The following CKMT2 variants were observed in gnomAD, a reference collection of about 807,000 sequenced individuals.
CKMT2 encodes the protein creatine kinase, mitochondrial 2.
A neutral mutation model predicts 48.9 loss-of-function variants in CKMT2; 43 were observed. The ratio of observed to expected loss-of-function variants is 0.88; its 90% CI spans 0.69 to 1.13. The LOEUF (loss-of-function observed/expected upper bound fraction) is 1.13, where lower values mean the gene tolerates loss of function less well. CKMT2 is among the 50% of genes most tolerant of loss of function. CKMT2 has a pLI of 0.00. For synonymous variants in CKMT2, 206 were observed against 213.0 expected, an observed-to-expected ratio of 0.97 and a Z score of 0.29; for missense variants, 472 against 555.4, an observed-to-expected ratio of 0.85 and a Z score of 1.51.
intron 1 of CKMT2, among the ~76,000 whole-genome samples, chr5:81,249,056 T>C (rs1330991533): frequency 2.0e-5 from 3 of 151,536 alleles, no homozygotes; most frequent in South Asian, 4.2e-4. Flanking sequence ...CATGCTCTTT[T>C]TTTTTTTTTT....
At chr5:81,238,787 T>C (rs1262922890) in intron 1 of CKMT2, 1 of 152,428 alleles carries the variant, frequency 6.6e-6, no homozygotes, top group African/African-American at 2.4e-5. Context: ...TTTTACCTCT[T>C]CTAGAAAGCC....
rs957260736 is a variant in CKMT2 at position 81,256,858 on chromosome 5, C to G, written c.670-57C>G. ...TTGGAACTTGTTCACCTGGCACTTG[C>G]AGTCCTGTTTGATCTCATCAGTCTC... is the stretch of plus-strand genomic sequence containing the variant. On this transcript the variant is annotated intron_variant, in intron 5 of 9. Transcript: ENST00000254035. The G allele has an allele frequency of 4.0e-6, 5 of 1,261,464 alleles. No homozygotes were observed. The Admixed American group carries it at 9.6e-5, about 24-fold the overall frequency. The allele number at this position is 1,261,464 out of a possible 1,614,324, so 78.1% of individuals were successfully genotyped here.
At chr5:81,240,019 A>C (rs942880223) in intron 1 of CKMT2, among the ~76,000 whole-genome samples, 1 of 151,990 alleles carries the variant, frequency 6.6e-6, no homozygotes, top group African/African-American at 2.4e-5. Context: ...ACAAATACAT[A>C]TCTCTACCCC....
intron 9 of CKMT2, among the ~76,000 whole-genome samples, chr5:81,264,201 CTT>C (rs952170915): frequency 5.9e-5 from 9 of 152,186 alleles, no homozygotes; most frequent in African/African-American, 2.2e-4. Flanking sequence ...GATTCATAGA[CTT>C]TGTGTGGCCT....
At chr5:81,255,819 CTT>C in intron 5 of CKMT2, among the ~76,000 whole-genome samples, 1 of 137,166 alleles carries the variant, frequency 7.3e-6, no homozygotes, top group Non-Finnish European at 1.6e-5. Context: ...ACTTTAAACT[CTT>C]AAAAAAAAAA....
intron 1 of CKMT2, among the ~76,000 whole-genome samples, chr5:81,239,914 G>C (rs1756378631): frequency 6.6e-6 from 1 of 152,156 alleles, no homozygotes; most frequent in African/African-American, 2.4e-5. Context: ...TTGTAAAATG[G>C]GAATAACACG....
At chr5:81,236,035 T>C (rs1261311366) in intron 1 of CKMT2, 1 of 152,268 alleles carries the variant, frequency 6.6e-6, no homozygotes, top group Non-Finnish European at 1.5e-5. Flanking sequence ...ACAGCATCCC[T>C]AGCAAGGCCT....
chr5:81,248,423 G>A (rs950820591), intron 1 of CKMT2, among the ~76,000 whole-genome samples: 19 of 152,206 alleles, frequency 1.2e-4, no homozygotes, highest in Non-Finnish European at 1.5e-5. Context: ...AAGTGGGTTT[G>A]AGGGTGTGAT....
At chr5:81,256,657 C>T (rs1315900754) in intron 5 of CKMT2, among the ~76,000 whole-genome samples, 2 of 152,200 alleles carry the variant, frequency 1.3e-5, no homozygotes, top group Admixed American at 6.5e-5. Context: ...CAGTGTTTTT[C>T]ACCATTAGCT....
intron 5 of CKMT2, among the ~76,000 whole-genome samples, chr5:81,255,835 A>G (rs1481859122): frequency 6.6e-6 from 1 of 151,700 alleles, no homozygotes; most frequent in East Asian, 1.9e-4. Flanking sequence ...AAAAAAAAAA[A>G]GCAGAAACAA....
Position 81,252,665 on chromosome 5 carries a change from G to T in CKMT2, c.153-30G>T, listed in dbSNP as rs757447211. On this transcript the variant is annotated intron_variant, in intron 2 of 9. Transcript: ENST00000254035. Reference sequence around the variant, plus strand: ...TTGGCCCCTTTCCTCGGGGGCTGCTGGCTGACAGCCTGCCCTCCTCCCCAC... The same window carrying T: ...TTGGCCCCTTTCCTCGGGGGCTGCTTGCTGACAGCCTGCCCTCCTCCCCAC... The T allele has an allele frequency of 1.6e-5, 25 of 1,611,764 alleles. No homozygotes were observed. The South Asian group carries it at 2.7e-4, about 18-fold the overall frequency.
intron 1 of CKMT2, among the ~76,000 whole-genome samples, chr5:81,250,423 C>G (rs986800360): frequency 5.3e-5 from 8 of 152,228 alleles, no homozygotes; most frequent in African/African-American, 1.9e-4. Flanking sequence ...TGTTGACTCT[C>G]ATTCATTGTA....
At chr5:81,250,168 C>T (rs1756756136) in intron 1 of CKMT2, among the ~76,000 whole-genome samples, 1 of 152,164 alleles carries the variant, frequency 6.6e-6, no homozygotes, top group Non-Finnish European at 1.5e-5. Context: ...CTCTGTGCTA[C>T]ATTCTGAGTA....
rs187064307 is a variant in CKMT2, at chr5:81,244,478, G to C, written c.-20-6635G>C. ...GATTTCCAGAAAGAGCTCTCAGATT[G>C]CCTCAAAAACACATTGGAGCCTCTA... On this transcript the variant is annotated intron_variant, in intron 1 of 9. Transcript: ENST00000254035. Among the ~76,000 whole-genome samples the C allele has an allele frequency of 1.2e-4, 18 of 152,234 alleles. No homozygotes were observed. In the East Asian group the frequency reaches 2.7e-3, roughly 23 times the overall value.
At chr5:81,242,396 A>C (rs1408218142) in intron 1 of CKMT2, 1 of 503,060 alleles carries the variant, frequency 2.0e-6, no homozygotes, top group African/African-American at 1.9e-5. Flanking sequence ...CATAGTCCTT[A>C]ACTACTACAC....
Position 81,259,049 on chromosome 5 carries a change from G to GTGTT in CKMT2, c.880-70_880-67dup. ...AGGAGGGTACACATCTCTCTCTCTG[G>GTGTT]TGTTAGGGATGTGCTGAATGAATGG... On this transcript the variant is annotated intron_variant, in intron 7 of 9. Transcript: ENST00000254035. The GTGTT allele has an allele frequency of 4.1e-6, 6 of 1,461,280 alleles. No individual in the cohort carries two copies. In the South Asian group the frequency reaches 6.6e-5, roughly 16 times the overall value. 90.5% of individuals were successfully genotyped at this position (1,461,280 alleles called of 1,614,324 possible). A position where few individuals can be genotyped will look rare whatever the true frequency, so the allele number is the denominator to read the frequency against.
At chr5:81,236,759 T>G (rs568729664) in intron 1 of CKMT2, among the ~76,000 whole-genome samples, 1 of 152,272 alleles carries the variant, frequency 6.6e-6, no homozygotes, top group Admixed American at 6.5e-5. Context: ...GTTAAATCCA[T>G]TTTGTGAACC....
intron 1 of CKMT2, chr5:81,242,294 G>A: frequency 6.2e-6 from 2 of 323,600 alleles, no homozygotes; most frequent in Non-Finnish European, 1.2e-5. Flanking sequence ...TCATTCAAAA[G>A]TTTGTGGGCT....
intron 1 of CKMT2, chr5:81,238,139 C>T (rs561678727): frequency 6.6e-6 from 1 of 152,258 alleles, no homozygotes; most frequent in East Asian, 1.9e-4. Flanking sequence ...TTGAGACCAT[C>T]CTGGCTAACA....
Sources: allele counts gnomAD v4.1 joint callset (sites outside exome capture counted in the v4.1 genomes callset), GRCh38; gene constraint gnomAD v4.1.1; transcripts MANE v1.5; gene names NCBI Gene and HGNC (gene_info 2026-07-23, HGNC 2026-07-21).